Variants in TBCK observed in about 807,000 individuals in gnomAD.
The protein encoded by TBCK is TBC1 domain containing kinase.
Under a neutral mutation model 113.4 loss-of-function variants are expected in TBCK, and 99 were observed. The ratio of observed to expected loss-of-function variants is 0.87; its 90% CI spans 0.74 to 1.03. The LOEUF (loss-of-function observed/expected upper bound fraction) is 1.03, where lower values mean the gene tolerates loss of function less well. Ranked by LOEUF, TBCK falls within the 50% of genes least tolerant of loss-of-function variation. The probability of loss-of-function intolerance (pLI) is 0.00; values close to 1 mark genes in which losing one functional copy is unlikely to be tolerated. For missense variants in TBCK, 1,045 were observed against 1,061.3 expected, an observed-to-expected ratio of 0.98 and a Z score of 0.21; for synonymous variants, 369 against 370.8, an observed-to-expected ratio of 1.00 and a Z score of 0.05.
chr4:106,052,780 G>C (rs1734951062), intron 25 of TBCK, among the ~76,000 whole-genome samples: 1 of 151,088 alleles, frequency 6.6e-6, no homozygotes, highest in Non-Finnish European at 1.5e-5. Context: ...TATAAATATA[G>C]ACAAGAAAGG....
chr4:106,249,018 T>C, intron 7 of TBCK, 36 bp from the exon 8 acceptor site: 1 of 1,472,632 alleles, frequency 6.8e-7, no homozygotes, highest in Non-Finnish European at 9.3e-7. Context: ...TAAATGCTAT[T>C]TTTCTAATCT....
intron 23 of TBCK, among the ~76,000 whole-genome samples, chr4:106,121,731 C>T (rs1744412133): frequency 1.3e-5 from 2 of 152,074 alleles, no homozygotes; most frequent in Admixed American, 1.3e-4. Flanking sequence ...TACTCAAAAC[C>T]ACTCAACTAC....
At chr4:106,274,286 G>T (rs74493446) in intron 3 of TBCK, among the ~76,000 whole-genome samples, 2,772 of 152,166 alleles carry the variant, frequency 0.018, 80 homozygotes, top group African/African-American at 0.061. Context: ...TTTGGAAATG[G>T]CTTGTCAAAG....
At chr4:106,065,850 AC>A (rs1736583881) in intron 25 of TBCK, among the ~76,000 whole-genome samples, 1 of 152,034 alleles carries the variant, frequency 6.6e-6, no homozygotes, top group African/African-American at 2.4e-5. Context: ...TCTACATGGT[AC>A]CTTAAGTAAA....
chr4:106,046,804 A>G (rs1734267691), intron 25 of TBCK, 124 bp from the exon 26 acceptor site: 1 of 529,112 alleles, frequency 1.9e-6, no homozygotes, highest in South Asian at 2.8e-5. Flanking sequence ...CCACTGTATA[A>G]TAAGTTGTCA....
intron 23 of TBCK, among the ~76,000 whole-genome samples, chr4:106,122,606 C>G (rs1430232947): frequency 6.6e-6 from 1 of 152,232 alleles, no homozygotes; most frequent in African/African-American, 2.4e-5. Context: ...CCCTGATGAA[C>G]ATTGATGCAA....
At chr4:106,246,591 C>G (rs1560900968) in intron 10 of TBCK, among the ~76,000 whole-genome samples, 1 of 151,954 alleles carries the variant, frequency 6.6e-6, no homozygotes, top group Non-Finnish European at 1.5e-5. Context: ...TATGTGTATT[C>G]TAGCCACTCC....
At chr4:106,291,271 T>C (rs1367837211) in intron 3 of TBCK, among the ~76,000 whole-genome samples, 2 of 152,172 alleles carry the variant, frequency 1.3e-5, no homozygotes, top group African/African-American at 4.8e-5. Flanking sequence ...TTGATAAGCC[T>C]ACAAGCTAAC....
chr4:106,065,915 T>C (rs773531527), intron 25 of TBCK, among the ~76,000 whole-genome samples: 13 of 151,990 alleles, frequency 8.6e-5, no homozygotes, highest in Non-Finnish European at 1.2e-4. Flanking sequence ...CAATGTTTTA[T>C]CTAGATAAAA....
intron 23 of TBCK, among the ~76,000 whole-genome samples, chr4:106,149,351 T>C (rs1006346815): frequency 2.6e-5 from 4 of 152,248 alleles, no homozygotes; most frequent in African/African-American, 9.6e-5. Context: ...TGGGCTATCT[T>C]GGCTTTTGAC....
At chr4:106,155,141 T>TA (rs1748974410) in intron 23 of TBCK, among the ~76,000 whole-genome samples, 3 of 146,478 alleles carry the variant, frequency 2.0e-5, no homozygotes, top group South Asian at 2.2e-4. Flanking sequence ...TATTCTAGGG[T>TA]AAAATTTTTT....
At chr4:106,291,269 C>T (rs1765679151) in intron 3 of TBCK, among the ~76,000 whole-genome samples, 1 of 152,146 alleles carries the variant, frequency 6.6e-6, no homozygotes, top group South Asian at 2.1e-4. Context: ...TTTTGATAAG[C>T]CTACAAGCTA....
chr4:106,199,128 C>A (rs568317540), intron 20 of TBCK, among the ~76,000 whole-genome samples: 1 of 152,270 alleles, frequency 6.6e-6, no homozygotes, highest in East Asian at 1.9e-4. Context: ...AGTCTCTCAA[C>A]CCACTCTAAT....
rs1372493906 is a variant in TBCK at position 106,212,834 on chromosome 4, C to A, written c.1776G>T (p.Glu592Asp). Residue 592 changes from glutamate to aspartate, a missense_variant and splice_region_variant, in exon 20 of 26, where the codon GAG becomes GAT. By Grantham distance (45) the Glu-to-Asp change is conservative. Transcript: ENST00000394708. ...FLKDNSHVIQEYLTVFSQMIA... is the reference protein window; with the variant it reads ...FLKDNSHVIQDYLTVFSQMIA... Reference sequence around the variant, plus strand: ...TCATCTGAGAGAAGACAGTCAGATACTCTGAAATTACAAAGTTTGAGACAA... The same window carrying A: ...TCATCTGAGAGAAGACAGTCAGATAATCTGAAATTACAAAGTTTGAGACAA... 1 of 1,603,906 alleles carries A rather than the reference C, an allele frequency of 6.2e-7. No individual in the cohort carries two copies. The highest frequency in any genetic ancestry group is 1.7e-5 in the Admixed American group (1 of 59,574).
At chr4:106,240,164 C>A (rs764036477) in intron 12 of TBCK, among the ~76,000 whole-genome samples, 1 of 151,914 alleles carries the variant, frequency 6.6e-6, no homozygotes, top group Non-Finnish European at 1.5e-5. Context: ...AGTAAAAACA[C>A]TCAGTGAAAT....
intron 3 of TBCK, among the ~76,000 whole-genome samples, chr4:106,273,622 C>A (rs1017900187): frequency 4.6e-5 from 7 of 152,108 alleles, no homozygotes; most frequent in African/African-American, 1.7e-4. Context: ...GTCGAGCGTT[C>A]TTATAAAAGG....
At chr4:106,272,488 A>ATTTT (rs746246379) in intron 3 of TBCK, among the ~76,000 whole-genome samples, 2 of 124,556 alleles carry the variant, frequency 1.6e-5, no homozygotes, top group African/African-American at 3.2e-5. Flanking sequence ...TGTTTATTTA[A>ATTTT]TTTTTTTTTT....
At chr4:106,224,862 C>A (rs543670198) in intron 19 of TBCK, among the ~76,000 whole-genome samples, 1 of 152,286 alleles carries the variant, frequency 6.6e-6, no homozygotes, top group Non-Finnish European at 1.5e-5. Context: ...TCAAATTCAT[C>A]AAGTATCTTC....
At chr4:106,171,410 AC>A (rs1246648832) in intron 22 of TBCK, 140 bp from the exon 23 acceptor site, 17 of 629,074 alleles carry the variant, frequency 2.7e-5, no homozygotes, top group Non-Finnish European at 4.0e-5. Context: ...AGTAAAAAAA[AC>A]AATGTATATA....
Sources: gnomAD v4.1 joint callset for allele counts (sites outside exome capture counted in the v4.1 genomes callset) on GRCh38, gnomAD v4.1.1 for gene constraint, MANE v1.5 for transcripts, NCBI Gene and HGNC (gene_info 2026-07-23, HGNC 2026-07-21) for gene names.